The following MMP15 variants were observed in gnomAD, a reference collection of about 807,000 sequenced individuals.
MMP15 encodes matrix metallopeptidase 15.
Under a neutral mutation model 65.0 loss-of-function variants are expected in MMP15, and 36 were observed. The observed-to-expected ratio is 0.55, with a 90% CI of 0.42 to 0.73. MMP15 has a LOEUF of 0.73. Ranked by LOEUF, MMP15 falls within the 30% of genes least tolerant of loss-of-function variation. MMP15 has a pLI of 0.00. For synonymous variants in MMP15, 428 were observed against 410.2 expected, an observed-to-expected ratio of 1.04 and a Z score of -0.52; for missense variants, 870 against 987.8, an observed-to-expected ratio of 0.88 and a Z score of 1.60.
At position 58,041,633 on chromosome 16, in the gene MMP15, G is replaced by A; in HGVS notation, c.927G>A (p.Gln309=). 6.4e-7 allele frequency: 1 copy of A among 1,574,794 alleles called. No homozygotes were observed. ...TCTCTGCAGGTACCCCAGACGGTCA[G>A]CCACAGCCTACCCAGCCTCTCCCCA... is the stretch of plus-strand genomic sequence containing the variant. ...IQQLYGTPDG[Q]PQPTQPLPTV... Residue 309 remains glutamine (Q), a synonymous_variant, in exon 6 of 10, where the codon CAG becomes CAA. Transcript: ENST00000219271.
intron 7 of MMP15, 37 bp downstream of exon 7, chr16:58,042,406 C>T (rs1959476531): frequency 1.2e-6 from 2 of 1,607,656 alleles, no homozygotes; most frequent in South Asian, 1.1e-5. Flanking sequence ...GGGCACGCCT[C>T]CTGCCATGAC....
intron 1 of MMP15, among the ~76,000 whole-genome samples, chr16:58,030,310 C>T (rs781563214): frequency 3.9e-5 from 6 of 152,176 alleles, no homozygotes; most frequent in Non-Finnish European, 8.8e-5. Flanking sequence ...CAGTAGGCAC[C>T]ATCTGGCTGG....
intron 1 of MMP15, among the ~76,000 whole-genome samples, chr16:58,036,071 T>C (rs1257087952): frequency 1.3e-5 from 2 of 152,240 alleles, no homozygotes; most frequent in Non-Finnish European, 2.9e-5. Flanking sequence ...ACTGCCCTGC[T>C]GCCTGGGCCC....
chr16:58,031,384 C>A (rs1489747295), intron 1 of MMP15, among the ~76,000 whole-genome samples: 2 of 152,136 alleles, frequency 1.3e-5, no homozygotes, highest in African/African-American at 4.8e-5. Context: ...CAAAAGCCCT[C>A]CCCCGGCCCA....
intron 9 of MMP15, among the ~76,000 whole-genome samples, chr16:58,044,490 G>T (rs532040778): frequency 6.8e-4 from 104 of 152,292 alleles, no homozygotes; most frequent in African/African-American, 2.5e-3. Context: ...CTGTATGTGA[G>T]CTTGGCACTC....
chr16:58,037,664 C>T, intron 2 of MMP15, 44 bp downstream of exon 2: 5 of 1,612,750 alleles, frequency 3.1e-6, no homozygotes, highest in Non-Finnish European at 3.4e-6. Context: ...ACCTGCCTTC[C>T]ATCTGGCCTG....
rs978598524 is a variant in MMP15 at position 58,026,485 on chromosome 16, G to C, written c.135G>C (p.Ala45=). 1.4e-6 allele frequency: 2 copies of C among 1,388,858 alleles called. No homozygotes were observed. Among genetic ancestry groups the C allele is most frequent in the African/African-American group, 3.0e-5 (2 of 65,972 alleles). The allele number at this position is 1,388,858 out of a possible 1,614,324, so 86.0% of individuals were successfully genotyped here. The change falls in exon 1 of 10, where the codon GCG becomes GCC. Residue 45 remains alanine, a synonymous_variant. Coordinates refer to ENST00000219271, the MANE Select transcript of MMP15 (RefSeq NM_002428.4). The part of the protein sequence containing the change: ...VLLGCLGLGV[A]AEDAEVHAEN... ...TGGGCTGCCTGGGCCTTGGCGTAGC[G>C]GCCGAAGACGCGGAGGTCCATGCCG... is the stretch of plus-strand genomic sequence containing the variant.
chr16:58,027,925 C>T (rs1963846111), intron 1 of MMP15, among the ~76,000 whole-genome samples: 1 of 152,114 alleles, frequency 6.6e-6, no homozygotes, highest in Admixed American at 6.5e-5. Context: ...GAGGATTACC[C>T]CTCAGCCTGT....
intron 7 of MMP15, among the ~76,000 whole-genome samples, chr16:58,042,926 A>G (rs2142331374): frequency 6.6e-6 from 1 of 152,186 alleles, no homozygotes; most frequent in African/African-American, 2.4e-5. Flanking sequence ...TCCCCTCCCC[A>G]TACAAGAACT....
chr16:58,042,390 A>G (rs1959476178), intron 7 of MMP15, 21 bp downstream of exon 7: 5 of 1,612,402 alleles, frequency 3.1e-6, no homozygotes, highest in Non-Finnish European at 3.4e-6. Context: ...GTAGGGTTAG[A>G]GGGTTGGGCA....
At chr16:58,028,590 G>A (rs1963856414) in intron 1 of MMP15, among the ~76,000 whole-genome samples, 1 of 152,188 alleles carries the variant, frequency 6.6e-6, no homozygotes, top group Non-Finnish European at 1.5e-5. Flanking sequence ...ACCCTGTGTT[G>A]AGCCTCCCTT....
In MMP15 at chr16:58,038,359, C is replaced by T. The variant is rs146192273; in HGVS notation, c.405C>T (p.Thr135=). The T allele has an allele frequency of 2.2e-5, 36 of 1,614,030 alleles. No individual in the cohort carries two copies. Among genetic ancestry groups the T allele is most frequent in the African/African-American group, 1.9e-4 (14 of 75,054 alleles). Residue 135 remains threonine (T), a synonymous_variant, in exon 3 of 10, where the codon ACC becomes ACT. Transcript: ENST00000219271. ...LRRRRKRYAL[T]GRKWNNHHLT... is the part of the protein sequence containing the mutation. ...GGCGTCGGAAGCGCTACGCCCTCAC[C>T]GGGAGGAAGTGGAACAACCACCATC... is the stretch of plus-strand genomic sequence containing the variant.
At chr16:58,042,006 G>T (rs2142330826) in intron 6 of MMP15, 136 bp downstream of exon 6, 1 of 1,218,334 alleles carries the variant, frequency 8.2e-7, no homozygotes, top group African/African-American at 1.5e-5. Flanking sequence ...CAGCCCAAGA[G>T]GTTGAGGGAC....
intron 8 of MMP15, 32 bp from the exon 9 acceptor site, chr16:58,043,480 C>T: frequency 1.2e-6 from 2 of 1,610,766 alleles, no homozygotes; most frequent in East Asian, 2.2e-5. Context: ...AGCAGGATCT[C>T]TAGGTCCACA....
intron 3 of MMP15, among the ~76,000 whole-genome samples, chr16:58,039,565 T>C (rs1014160526): frequency 6.6e-6 from 1 of 152,230 alleles, no homozygotes; most frequent in African/African-American, 2.4e-5. Context: ...TCAGCCTGTT[T>C]CCCAAACCTC....
rs774426363 is a variant in MMP15 at position 58,045,157 on chromosome 16, G to T, written c.1721G>T (p.Arg574Leu). 1 of 1,596,294 alleles carries T rather than the reference G, an allele frequency of 6.3e-7. No homozygotes were observed. The highest frequency in any genetic ancestry group is 1.1e-5 in the South Asian group (1 of 89,044). The stretch of plus-strand genomic sequence containing the variant: ...GGCCCCCGATGGCCCGACGTGGCCC[G>T]GCCGCCCTTCAACCCCCACGGGGGT... ...EPGPRWPDVA[R>L]PPFNPHGGAE... Residue 574 changes from arginine to leucine, a missense_variant, in exon 10 of 10, where the codon CGG (arginine) becomes CTG (leucine). Physicochemically the swap from Arg to Leu is moderately radical, Grantham distance 102. Coordinates refer to ENST00000219271, the MANE Select transcript of MMP15 (RefSeq NM_002428.4).
At chr16:58,035,434 A>G (rs1043419973) in intron 1 of MMP15, among the ~76,000 whole-genome samples, 15 of 152,208 alleles carry the variant, frequency 9.9e-5, no homozygotes, top group African/African-American at 3.4e-4. Context: ...TTCTTGGTCA[A>G]TGATGGGTCA....
chr16:58,029,440 C>G (rs1963867243), intron 1 of MMP15, among the ~76,000 whole-genome samples: 4 of 152,234 alleles, frequency 2.6e-5, no homozygotes, highest in Admixed American at 1.3e-4. Flanking sequence ...TCTTCTCCCC[C>G]TCCCCTCTTG....
Position 58,045,056 on chromosome 16 carries a change from G to A in MMP15, c.1620G>A (p.Glu540=). ...CCAAATACTGGAAATTCGACAATGAGCGCCTGCGGATGGAGCCCGGCTACC... is the reference window on the plus strand; with the variant it reads ...CCAAATACTGGAAATTCGACAATGAACGCCTGCGGATGGAGCCCGGCTACC... ...KGTKYWKFDN[E]RLRMEPGYPK... Residue 540 remains glutamate, a synonymous_variant, in exon 10 of 10, where the codon GAG becomes GAA. Transcript: ENST00000219271. The A allele has an allele frequency of 1.8e-5, 29 of 1,613,396 alleles. No individual in the cohort carries two copies. The highest frequency in any genetic ancestry group is 2.3e-5 in the Non-Finnish European group (27 of 1,179,986).
Sources: allele counts gnomAD v4.1 joint callset (sites outside exome capture counted in the v4.1 genomes callset), GRCh38; gene constraint gnomAD v4.1.1; transcripts MANE v1.5; gene names NCBI Gene and HGNC (gene_info 2026-07-23, HGNC 2026-07-21).